Variants in CSMD1 observed in about 807,000 individuals in gnomAD.
The protein encoded by CSMD1 is CUB and sushi domain-containing protein 1.
A neutral mutation model predicts 417.5 loss-of-function variants in CSMD1; 213 were observed. The observed-to-expected ratio is 0.51, with a 90% CI of 0.46 to 0.57. The LOEUF is 0.57. Among genes scored for constraint, CSMD1 ranks in the 20% least tolerant of loss-of-function variants. The pLI is 0.00. For missense variants in CSMD1, 6,923 were observed against 4,529.7 expected (o/e 1.53, Z -15.17); for synonymous variants, 2,862 against 1,736.8 (o/e 1.65, Z -16.11).
At chr8:4,029,856 G>A (rs1038204534) in intron 4 of CSMD1, among the ~76,000 whole-genome samples, 7 of 152,008 alleles carry the variant, frequency 4.6e-5, no homozygotes. Flanking sequence ...GCAGGCACAA[G>A]AATTGGGTAA....
chr8:3,438,832 C>G (rs1490082833), intron 12 of CSMD1, among the ~76,000 whole-genome samples: 1 of 151,880 alleles, frequency 6.6e-6, no homozygotes, highest in Non-Finnish European at 1.5e-5. Context: ...TAAGAAATTG[C>G]TGGCCAGGTG....
chr8:3,796,263 A>ATATCTATCTATCATG lies in CSMD1; in HGVS notation c.819-42222_819-42221insCATGATAGATAGATA, dbSNP rs1800112164. On this transcript the variant is annotated intron_variant, in intron 5 of 69. Coordinates refer to ENST00000635120, the MANE Select transcript of CSMD1 (RefSeq NM_033225.6). ...ATAGATATATATCTATCATGTATAG[A>ATATCTATCTATCATG]TATAGATATATATCTATCATGTATA... Among the ~76,000 whole-genome samples, 12 of 53,840 alleles carry ATATCTATCTATCATG rather than the reference A, an allele frequency of 2.2e-4. 1 individual carries two copies. The highest frequency in any genetic ancestry group is 3.0e-4 in the Non-Finnish European group (8 of 26,234). 35.3% of individuals were successfully genotyped at this position (53,840 alleles called of 152,430 possible). A position where few individuals can be genotyped will look rare whatever the true frequency, so the allele number is the denominator to read the frequency against.
At chr8:4,815,984 A>G (rs2117359664) in intron 1 of CSMD1, among the ~76,000 whole-genome samples, 1 of 152,272 alleles carries the variant, frequency 6.6e-6, no homozygotes, top group East Asian at 1.9e-4. Context: ...AAGGCATTCC[A>G]GAAATGAAAA....
chr8:4,493,418 G>C (rs1801818868), intron 2 of CSMD1, among the ~76,000 whole-genome samples: 1 of 152,086 alleles, frequency 6.6e-6, no homozygotes, highest in African/African-American at 2.4e-5. Flanking sequence ...ACTGATGGTC[G>C]GGACTGGTGG....
chr8:4,828,163 A>G (rs1232183192), intron 1 of CSMD1, among the ~76,000 whole-genome samples: 1 of 152,162 alleles, frequency 6.6e-6, no homozygotes, highest in East Asian at 1.9e-4. Flanking sequence ...CTTCCATCCC[A>G]CAAATACAGA....
intron 2 of CSMD1, among the ~76,000 whole-genome samples, chr8:4,523,472 ATATGT>A (rs1803590644): frequency 1.3e-5 from 2 of 152,150 alleles, no homozygotes; most frequent in Non-Finnish European, 2.9e-5. Context: ...ATTGAAACAC[ATATGT>A]TATGATAAGA....
At chr8:4,764,792 G>A (rs1812333995) in intron 1 of CSMD1, among the ~76,000 whole-genome samples, 1 of 144,110 alleles carries the variant, frequency 6.9e-6, no homozygotes, top group Non-Finnish European at 1.5e-5. Context: ...AGAATGGTGT[G>A]AACCCAGGAG....
At chr8:3,202,795 T>G (rs1269477822) in intron 31 of CSMD1, among the ~76,000 whole-genome samples, 1 of 152,226 alleles carries the variant, frequency 6.6e-6, no homozygotes. Flanking sequence ...CATATATTTA[T>G]GTAACCAACT....
chr8:3,844,379 A>C (rs1048042808), intron 5 of CSMD1, among the ~76,000 whole-genome samples: 2 of 152,138 alleles, frequency 1.3e-5, no homozygotes, highest in African/African-American at 4.8e-5. Flanking sequence ...AGACACACAT[A>C]CACCTCACTC....
intron 3 of CSMD1, among the ~76,000 whole-genome samples, chr8:4,199,129 A>G (rs962099977): frequency 1.3e-5 from 2 of 152,150 alleles, no homozygotes; most frequent in South Asian, 2.1e-4. Flanking sequence ...AAGTTCTCAT[A>G]TATTTGTATG....
At chr8:3,965,423 C>A (rs974041928) in intron 5 of CSMD1, among the ~76,000 whole-genome samples, 1 of 152,034 alleles carries the variant, frequency 6.6e-6, no homozygotes, top group African/African-American at 2.4e-5. Context: ...TCGTGATGGC[C>A]TTCGGAAAAA....
chr8:3,388,927 AC>A (rs1811178671), intron 17 of CSMD1, among the ~76,000 whole-genome samples: 1 of 144,510 alleles, frequency 6.9e-6, no homozygotes, highest in South Asian at 2.5e-4. Context: ...ACACACACAC[AC>A]ACACACACAC....
chr8:4,813,060 C>T (rs1420332708), intron 1 of CSMD1, among the ~76,000 whole-genome samples: 2 of 152,156 alleles, frequency 1.3e-5, no homozygotes, highest in Admixed American at 6.6e-5. Flanking sequence ...TTTAAGATCC[C>T]TCTGGCAGAG....
intron 1 of CSMD1, among the ~76,000 whole-genome samples, chr8:4,746,587 C>G (rs571897222): frequency 2.2e-4 from 33 of 152,296 alleles, no homozygotes; most frequent in African/African-American, 7.9e-4. Context: ...GTGATCTATT[C>G]TAGCGAGCAT....
At chr8:4,855,215 A>T (rs1174980361) in intron 1 of CSMD1, among the ~76,000 whole-genome samples, 1 of 150,110 alleles carries the variant, frequency 6.7e-6, no homozygotes, top group Non-Finnish European at 1.5e-5. Flanking sequence ...TCTTTGTTAG[A>T]AGAAAAACTA....
At chr8:4,050,909 G>T (rs73658554) in intron 3 of CSMD1, among the ~76,000 whole-genome samples, 1 of 152,004 alleles carries the variant, frequency 6.6e-6, no homozygotes, top group African/African-American at 2.4e-5. Context: ...ACCTTTACGT[G>T]AGTCTTGAAG....
intron 45 of CSMD1, chr8:3,107,251 C>G (rs1202821407): frequency 6.4e-6 from 1 of 156,586 alleles, no homozygotes; most frequent in East Asian, 1.9e-4. Context: ...CAGCAGAAAT[C>G]CTAAATATCA....
chr8:3,711,599 T>C (rs1801513150), intron 6 of CSMD1, among the ~76,000 whole-genome samples: 1 of 152,202 alleles, frequency 6.6e-6, no homozygotes, highest in South Asian at 2.1e-4. Flanking sequence ...CTCATCCTCA[T>C]CTCTGTGTTG....
At chr8:4,175,729 G>T (rs990606966) in intron 3 of CSMD1, among the ~76,000 whole-genome samples, 2 of 152,102 alleles carry the variant, frequency 1.3e-5, no homozygotes, top group Non-Finnish European at 2.9e-5. Flanking sequence ...AGAGAATGTT[G>T]CCTAGAAAAA....
Sources: allele counts gnomAD v4.1 joint callset (sites outside exome capture counted in the v4.1 genomes callset), GRCh38; gene constraint gnomAD v4.1.1; transcripts MANE v1.5; gene names NCBI Gene and HGNC (gene_info 2026-07-23, HGNC 2026-07-21).